Variants in GGA2 observed in about 807,000 individuals in gnomAD.
GGA2 encodes the protein golgi associated, gamma adaptin ear containing, ARF binding protein 2, also known as ADP-ribosylation factor-binding protein GGA2.
In GGA2, 48 loss-of-function variants were observed where a neutral mutation model predicts 79.5. That is an observed-to-expected ratio of 0.60 (90% confidence interval 0.48 to 0.77). The LOEUF is 0.77. GGA2 is among the 30% of genes least tolerant of loss of function. The pLI is 0.00. For missense variants in GGA2, 770 were observed against 774.0 expected, an observed-to-expected ratio of 0.99 and a Z score of 0.06; for synonymous variants, 317 against 302.0, an observed-to-expected ratio of 1.05 and a Z score of -0.51.
intron 14 of GGA2, among the ~76,000 whole-genome samples, chr16:23,473,356 T>TTTTC (rs1555498980): frequency 7.1e-6 from 1 of 140,402 alleles, no homozygotes; most frequent in Non-Finnish European, 1.5e-5. Context: ...TTTTTTTTTT[T>TTTTC]AGACAGAGTC....
chr16:23,510,459 C>T lies in GGA2; in HGVS notation c.-48G>A, dbSNP rs2285521. 570,906 of 679,954 alleles carry T rather than the reference C, an allele frequency of 0.84. 240,794 individuals are homozygous for T. The highest frequency in any genetic ancestry group is 0.91 in the African/African-American group (48,440 of 53,304). 42.1% of individuals were successfully genotyped at this position (679,954 alleles called of 1,614,324 possible). ...CCGCGGGCGCCACTGCCTCTTCAGC[C>T]GCTGTAGCGTCCTGGCGCTCTCCTC... On this transcript the variant is annotated 5_prime_UTR_variant, in exon 1 of 17. Coordinates refer to ENST00000309859, the MANE Select transcript of GGA2 (RefSeq NM_015044.4).
chr16:23,495,669 C>A, intron 2 of GGA2, 25 bp downstream of exon 2: 2 of 1,379,610 alleles, frequency 1.4e-6, no homozygotes, highest in South Asian at 1.2e-5. Context: ...CCAGAGTCAA[C>A]TATGTGTGTG....
chr16:23,497,069 C>T (rs976371679), intron 1 of GGA2, among the ~76,000 whole-genome samples: 1 of 151,152 alleles, frequency 6.6e-6, no homozygotes. Context: ...CATGCCACTG[C>T]ACTCCAACCT....
chr16:23,474,036 T>C (rs1760867351), intron 14 of GGA2, among the ~76,000 whole-genome samples: 1 of 152,210 alleles, frequency 6.6e-6, no homozygotes, highest in Non-Finnish European at 1.5e-5. Flanking sequence ...TGTCCTGCTC[T>C]GCATACTGGT....
chr16:23,505,393 G>A (rs149663323), intron 1 of GGA2, among the ~76,000 whole-genome samples: 372 of 152,212 alleles, frequency 2.4e-3, no homozygotes, highest in Non-Finnish European at 4.4e-3. Context: ...ACAGGGACCC[G>A]GTTAAATGGA....
Position 23,467,386 on chromosome 16 carries a change from G to GAACACACACA in GGA2, c.*194_*203dup. 1 of 264,864 alleles carries GAACACACACA rather than the reference G, an allele frequency of 3.8e-6. No homozygotes were observed. The highest frequency in any genetic ancestry group is 6.4e-6 in the Non-Finnish European group (1 of 155,888). The allele number at this position is 264,864 out of a possible 1,614,324, so 16.4% of individuals were successfully genotyped here. On this transcript the variant is annotated 3_prime_UTR_variant, in exon 17 of 17. Transcript: ENST00000309859. ...AGCCCTGTGCTACCACCCTCTCCCC[G>GAACACACACA]AACACACACACACACACACACACAC...
chr16:23,500,690 A>G (rs878964303), intron 1 of GGA2, among the ~76,000 whole-genome samples: 3 of 152,118 alleles, frequency 2.0e-5, no homozygotes, highest in African/African-American at 7.2e-5. Context: ...TGGCGGGTGG[A>G]ACCGCCCTGC....
At chr16:23,484,514 C>T (rs1201089539) in intron 8 of GGA2, among the ~76,000 whole-genome samples, 1 of 152,140 alleles carries the variant, frequency 6.6e-6, no homozygotes. Context: ...TGATAAGGAA[C>T]CTGTATCCAG....
chr16:23,500,303 C>T (rs1964906253), intron 1 of GGA2, among the ~76,000 whole-genome samples: 1 of 152,224 alleles, frequency 6.6e-6, no homozygotes, highest in African/African-American at 2.4e-5. Context: ...CCCAAGCTAC[C>T]GGAGAGGAGC....
At chr16:23,504,970 C>T (rs569301820) in intron 1 of GGA2, among the ~76,000 whole-genome samples, 6 of 152,276 alleles carry the variant, frequency 3.9e-5, no homozygotes, top group Admixed American at 6.5e-5. Flanking sequence ...AACCATCCCA[C>T]GTCAGCTGCC....
Position 23,480,769 on chromosome 16 carries a change from C to T in GGA2, c.882G>A (p.Ala294=), listed in dbSNP as rs758415721. 21 of 1,607,340 alleles carry T rather than the reference C, an allele frequency of 1.3e-5. No individual in the cohort carries two copies. The highest frequency in any genetic ancestry group is 1.2e-4 in the South Asian group (11 of 90,870). The change falls in exon 10 of 17, where the codon GCG becomes GCA. Residue 294 remains alanine (A), a splice_region_variant and synonymous_variant. Coordinates refer to ENST00000309859, the MANE Select transcript of GGA2 (RefSeq NM_015044.4). ...SDTTDDDDAL[A]EILQANDLLT... ...GGAGGTCATTTGCCTGGAGAATTTC[C>T]GCTGAAGAATGAGGGAAGACTCAGA...
intron 10 of GGA2, among the ~76,000 whole-genome samples, 194 bp from the exon 11 acceptor site, chr16:23,480,081 G>A (rs1046940248): frequency 1.3e-5 from 2 of 152,176 alleles, no homozygotes; most frequent in African/African-American, 4.8e-5. Flanking sequence ...GGGAGCCAAG[G>A]CCTGCCTTCC....
At position 23,467,516 on chromosome 16, in the gene GGA2, C is replaced by T. The variant is rs746203936; in HGVS notation, c.*74G>A. On this transcript the variant is annotated 3_prime_UTR_variant, in exon 17 of 17. Transcript: ENST00000309859. The stretch of plus-strand genomic sequence containing the variant: ...CTCTTGGCACTCCGCACTGAAACAC[C>T]GTGATTAGTCCTGACTAGACAGCAA... 35 of 768,762 alleles carry T rather than the reference C, an allele frequency of 4.6e-5. No individual in the cohort carries two copies. The highest frequency in any genetic ancestry group is 1.4e-4 in the Admixed American group (7 of 50,296). 47.6% of individuals were successfully genotyped at this position (768,762 alleles called of 1,614,324 possible). A position where few individuals can be genotyped will look rare whatever the true frequency, so the allele number is the denominator to read the frequency against.
At chr16:23,488,874 ATC>A (rs1964748258) in intron 5 of GGA2, among the ~76,000 whole-genome samples, 165 bp from the exon 6 acceptor site, 1 of 152,190 alleles carries the variant, frequency 6.6e-6, no homozygotes, top group African/African-American at 2.4e-5. Context: ...GTTTTGCATC[ATC>A]TCTTAGGAGA....
chr16:23,509,747 T>C (rs924962665), intron 1 of GGA2, among the ~76,000 whole-genome samples: 15 of 148,690 alleles, frequency 1.0e-4, no homozygotes, highest in East Asian at 1.0e-3. Flanking sequence ...AAAACACACA[T>C]ATATATATAT....
Position 23,468,981 on chromosome 16 carries a change from G to C in GGA2, c.1636C>G (p.Leu546Val), listed in dbSNP as rs377173596. Residue 546 changes from leucine to valine, a missense_variant, in exon 16 of 17, where the codon CTG (leucine) becomes GTG (valine). Physicochemically the swap from Leu to Val is conservative, Grantham distance 32. Transcript: ENST00000309859. Reference protein sequence around the residue: ...VAVPKSMRVKLQPASSSKLPA... With the variant: ...VAVPKSMRVKVQPASSSKLPA... Reference sequence around the variant, plus strand: ...AGCTTGGAGCTGGATGCCGGCTGCAGCTTCACTCTCATTGACTATCAGGGG... The same window carrying C: ...AGCTTGGAGCTGGATGCCGGCTGCACCTTCACTCTCATTGACTATCAGGGG... 2 of 1,605,536 alleles carry C rather than the reference G, an allele frequency of 1.2e-6. No individual in the cohort carries two copies. The highest frequency in any genetic ancestry group is 1.7e-6 in the Non-Finnish European group (2 of 1,172,160).
intron 9 of GGA2, 111 bp downstream of exon 9, chr16:23,482,812 C>T: frequency 1.4e-6 from 1 of 737,262 alleles, no homozygotes; most frequent in East Asian, 2.6e-5. Flanking sequence ...GCCCAAGCTC[C>T]ACGGAACCGA....
chr16:23,515,573 C>CAAAAAAA (rs57148954), intron 2 of GGA2, among the ~76,000 whole-genome samples: 2 of 111,388 alleles, frequency 1.8e-5, no homozygotes, highest in Non-Finnish European at 3.5e-5. Flanking sequence ...CTCCAGCCTG[C>CAAAAAAA]AAAAAAAAAA....
rs1359962925 is a variant in GGA2, at chr16:23,489,973, A to G, written c.476-1264T>C. On this transcript the variant is annotated intron_variant, in intron 5 of 16. Coordinates refer to ENST00000309859, the MANE Select transcript of GGA2 (RefSeq NM_015044.4). ...TGGGGTGAGGCAGGATCACAAACAG[A>G]TCCTACCAAGACCCAGGATGCAGTG... is the stretch of plus-strand genomic sequence containing the variant. 1.2e-4 allele frequency among the ~76,000 whole-genome samples: 18 copies of G among 152,298 alleles called. 2 individuals carry two copies. Among genetic ancestry groups the G allele is most frequent in the Admixed American group, 1.2e-3 (18 of 15,294 alleles).
Sources: gnomAD v4.1 joint callset for allele counts (sites outside exome capture counted in the v4.1 genomes callset) on GRCh38, gnomAD v4.1.1 for gene constraint, MANE v1.5 for transcripts, NCBI Gene and HGNC (gene_info 2026-07-23, HGNC 2026-07-21) for gene names.